The following CHCHD6 variants were observed in gnomAD, a reference collection of about 807,000 sequenced individuals.
The protein encoded by CHCHD6 is MICOS complex subunit MIC25.
CHCHD6 carries 28 observed loss-of-function variants against 32.3 expected under a neutral mutation model. The observed-to-expected ratio is 0.87, with a 90% CI of 0.64 to 1.19. The LOEUF (loss-of-function observed/expected upper bound fraction) is 1.19, where lower values mean the gene tolerates loss of function less well. CHCHD6 is among the 50% of genes most tolerant of loss of function. The probability of loss-of-function intolerance (pLI) is 0.00; values close to 1 mark genes in which losing one functional copy is unlikely to be tolerated. For missense variants in CHCHD6, 333 were observed against 307.0 expected (o/e 1.08, Z -0.63); for synonymous variants, 122 against 117.5 (o/e 1.04, Z -0.25).
At chr3:126,900,293 C>CA (rs1247404316) in intron 5 of CHCHD6, among the ~76,000 whole-genome samples, 1 of 152,138 alleles carries the variant, frequency 6.6e-6, no homozygotes, top group Non-Finnish European at 1.5e-5. Flanking sequence ...TATCGCCTGT[C>CA]AAAGGGGGTG....
intron 4 of CHCHD6, among the ~76,000 whole-genome samples, chr3:126,826,591 G>A (rs1162231779): frequency 6.6e-6 from 1 of 152,148 alleles, no homozygotes; most frequent in African/African-American, 2.4e-5. Context: ...TTGTGTCCTT[G>A]TAATGGCGGC....
intron 1 of CHCHD6, among the ~76,000 whole-genome samples, chr3:126,711,297 T>G (rs1265617532): frequency 6.6e-6 from 1 of 152,230 alleles, no homozygotes; most frequent in East Asian, 1.9e-4. Context: ...AATCTTATTC[T>G]TCCAGGCTTT....
intron 4 of CHCHD6, among the ~76,000 whole-genome samples, chr3:126,761,709 G>T (rs1937167652): frequency 6.6e-6 from 1 of 152,174 alleles, no homozygotes; most frequent in Non-Finnish European, 1.5e-5. Flanking sequence ...TTACAAGTGT[G>T]AGCCACCGCA....
intron 6 of CHCHD6, among the ~76,000 whole-genome samples, chr3:126,927,633 T>C (rs951476846): frequency 6.6e-6 from 1 of 152,222 alleles, no homozygotes; most frequent in Non-Finnish European, 1.5e-5. Context: ...ATTAATGGAC[T>C]CACTTCCGGA....
chr3:126,853,179 C>T (rs559646838), intron 5 of CHCHD6, among the ~76,000 whole-genome samples: 26 of 150,532 alleles, frequency 1.7e-4, no homozygotes, highest in Non-Finnish European at 8.8e-5. Context: ...AAGTGCACTA[C>T]GGCTGCACAC....
chr3:126,958,230 T>TG (rs1428887147), intron 7 of CHCHD6, among the ~76,000 whole-genome samples: 5 of 151,558 alleles, frequency 3.3e-5, no homozygotes, highest in African/African-American at 4.9e-5. Flanking sequence ...CGTCCTCTGG[T>TG]GCAGTCAGGC....
chr3:126,913,444 A>G (rs2078125105), intron 5 of CHCHD6, among the ~76,000 whole-genome samples: 2 of 151,754 alleles, frequency 1.3e-5, no homozygotes, highest in African/African-American at 4.8e-5. Flanking sequence ...CATTTGGGCC[A>G]GGCTGATCTT....
At chr3:126,713,084 A>G (rs944617001) in intron 1 of CHCHD6, among the ~76,000 whole-genome samples, 5 of 152,142 alleles carry the variant, frequency 3.3e-5, no homozygotes, top group African/African-American at 4.8e-5. Context: ...GGCCTATACT[A>G]TCTTCCCCTT....
intron 4 of CHCHD6, among the ~76,000 whole-genome samples, chr3:126,845,018 A>G (rs1234664113): frequency 2.6e-5 from 4 of 152,210 alleles, no homozygotes; most frequent in Non-Finnish European, 4.4e-5. Flanking sequence ...GCATGATTGT[A>G]GTCAAATAAG....
At chr3:126,800,078 A>G (rs1938992264) in intron 4 of CHCHD6, among the ~76,000 whole-genome samples, 1 of 152,144 alleles carries the variant, frequency 6.6e-6, no homozygotes, top group Non-Finnish European at 1.5e-5. Context: ...ATACATCTAC[A>G]TCTTTCCTTC....
intron 5 of CHCHD6, among the ~76,000 whole-genome samples, chr3:126,882,829 G>A (rs752693341): frequency 4.6e-5 from 7 of 152,130 alleles, no homozygotes; most frequent in African/African-American, 7.2e-5. Context: ...ATTTTCTGGC[G>A]TACAACTCCT....
intron 4 of CHCHD6, among the ~76,000 whole-genome samples, chr3:126,819,525 C>T (rs571976366): frequency 2.4e-4 from 37 of 152,310 alleles, no homozygotes; most frequent in African/African-American, 8.2e-4. Flanking sequence ...TATCCCTCAG[C>T]GTCAGACCGT....
At chr3:126,952,609 G>T (rs1366079010) in intron 6 of CHCHD6, among the ~76,000 whole-genome samples, 1 of 152,236 alleles carries the variant, frequency 6.6e-6, no homozygotes, top group Non-Finnish European at 1.5e-5. Flanking sequence ...AGGGGAGTGG[G>T]GCAGGGGGAG....
At chr3:126,865,706 T>C in intron 5 of CHCHD6, 1 of 985,378 alleles carries the variant, frequency 1.0e-6, no homozygotes, top group Non-Finnish European at 1.2e-6. Context: ...CATATTACCC[T>C]CTTCCCTGAG....
intron 4 of CHCHD6, among the ~76,000 whole-genome samples, chr3:126,837,774 G>A (rs1940919885): frequency 6.6e-6 from 1 of 152,180 alleles, no homozygotes; most frequent in African/African-American, 2.4e-5. Context: ...ATATCTAGGT[G>A]TTGCTAAGAG....
intron 4 of CHCHD6, among the ~76,000 whole-genome samples, chr3:126,804,186 T>C (rs959118573): frequency 1.4e-4 from 22 of 151,988 alleles, no homozygotes; most frequent in Non-Finnish European, 2.1e-4. Flanking sequence ...ATTCAAAAGC[T>C]AGCAGAAGGC....
chr3:126,899,970 A>G (rs192578601), intron 5 of CHCHD6, among the ~76,000 whole-genome samples: 5 of 152,324 alleles, frequency 3.3e-5, no homozygotes, highest in Admixed American at 3.3e-4. Context: ...GTTACTTACA[A>G]CCAGCGTGTC....
At chr3:126,790,262 T>G (rs1938457960) in intron 4 of CHCHD6, among the ~76,000 whole-genome samples, 1 of 150,228 alleles carries the variant, frequency 6.7e-6, no homozygotes, top group African/African-American at 2.5e-5. Context: ...TAACATTTTT[T>G]CATTCATTTC....
At chr3:126,720,597 A>T (rs1935235595) in intron 1 of CHCHD6, among the ~76,000 whole-genome samples, 1 of 152,248 alleles carries the variant, frequency 6.6e-6, no homozygotes, top group Admixed American at 6.5e-5. Flanking sequence ...TGTTTCCTGA[A>T]AATTTAAAAA....
Sources: gnomAD v4.1 joint callset for allele counts (sites outside exome capture counted in the v4.1 genomes callset) on GRCh38, gnomAD v4.1.1 for gene constraint, MANE v1.5 for transcripts, NCBI Gene and HGNC (gene_info 2026-07-23, HGNC 2026-07-21) for gene names.